CHL1: variants seen among roughly 807,000 people sequenced by gnomAD.
CHL1 encodes cell adhesion molecule L1 like, also known as neural cell adhesion molecule L1-like protein.
CHL1 carries 96 observed loss-of-function variants against 141.9 expected under a neutral mutation model. That is an observed-to-expected ratio of 0.68 (90% CI 0.57 to 0.80). The LOEUF is 0.80. Ranked by LOEUF, CHL1 falls within the 30% of genes least tolerant of loss-of-function variation. The pLI is 0.00. For missense variants in CHL1, 1,820 were observed against 1,457.2 expected (o/e 1.25, Z -4.05); for synonymous variants, 613 against 502.2 (o/e 1.22, Z -2.95).
chr3:340,294 T>A (rs867654820), intron 5 of CHL1, among the ~76,000 whole-genome samples: 5 of 152,212 alleles, frequency 3.3e-5, no homozygotes, highest in Admixed American at 6.5e-5. Context: ...TTCCATTGCA[T>A]TCTTACCATT....
At chr3:400,497 A>G (rs1053347378) in intron 26 of CHL1, among the ~76,000 whole-genome samples, 2 of 151,012 alleles carry the variant, frequency 1.3e-5, no homozygotes, top group African/African-American at 2.4e-5. Context: ...AAAAATTAGC[A>G]TTTCATATTG....
At position 366,112 on chromosome 3, in the gene CHL1, G is replaced by A. The variant is rs1704841835; in HGVS notation, c.1748G>A (p.Gly583Asp). Reference protein sequence around the residue: ...EAFEINGTEDGRIIIDGANLT... With the variant: ...EAFEINGTEDDRIIIDGANLT... ...TTTGAAATTAATGGCACAGAAGATG[G>A]CAGGTAGGTAAACTATTATGATATG... Residue 583 changes from glycine to aspartate, a missense_variant, in exon 15 of 28, where the codon GGC (glycine) becomes GAC (aspartate). Physicochemically the swap from Gly to Asp is moderately conservative, Grantham distance 94. Transcript: ENST00000256509. 1.9e-6 allele frequency: 3 copies of A among 1,612,640 alleles called. No individual in the cohort carries two copies. Among genetic ancestry groups the A allele is most frequent in the Non-Finnish European group, 1.7e-6 (2 of 1,179,322 alleles).
At chr3:377,794 A>G (rs1200370595) in intron 15 of CHL1, 24 bp from the exon 16 acceptor site, 2 of 1,583,910 alleles carry the variant, frequency 1.3e-6, no homozygotes, top group Admixed American at 1.7e-5. Context: ...CCTTCTCATC[A>G]TGTACTCACT....
intron 5 of CHL1, among the ~76,000 whole-genome samples, chr3:337,981 C>A (rs758884469): frequency 1.6e-4 from 25 of 152,168 alleles, no homozygotes; most frequent in Non-Finnish European, 3.4e-4. Flanking sequence ...TTTACAGTCC[C>A]ACCAACAGTT....
chr3:295,996 C>G (rs918239010), intron 2 of CHL1, among the ~76,000 whole-genome samples: 2 of 151,250 alleles, frequency 1.3e-5, no homozygotes, highest in Non-Finnish European at 2.9e-5. Context: ...AGTACAACTC[C>G]CTCTCAAAAA....
intron 15 of CHL1, among the ~76,000 whole-genome samples, chr3:366,439 C>G (rs945540980): frequency 4.7e-5 from 7 of 150,210 alleles, no homozygotes; most frequent in Non-Finnish European, 1.0e-4. Flanking sequence ...CCACTGTACT[C>G]CAGCCTGGGG....
At chr3:282,501 C>G (rs1458501081) in intron 2 of CHL1, among the ~76,000 whole-genome samples, 2 of 152,050 alleles carry the variant, frequency 1.3e-5, no homozygotes, top group Non-Finnish European at 2.9e-5. Context: ...TTGAAGGATC[C>G]TTAACATTTT....
chr3:234,193 GTATA>G (rs35671583), intron 1 of CHL1, among the ~76,000 whole-genome samples: 1 of 144,260 alleles, frequency 6.9e-6, no homozygotes, highest in Non-Finnish European at 1.5e-5. Context: ...GTGTGTGTGT[GTATA>G]TATATATATA....
At chr3:302,226 C>T (rs150307786) in intron 2 of CHL1, among the ~76,000 whole-genome samples, 123 of 151,712 alleles carry the variant, frequency 8.1e-4, no homozygotes, top group African/African-American at 2.4e-3. Context: ...ATGTGTCTAT[C>T]GTAGAATGAT....
chr3:374,733 C>G (rs1020594304), intron 15 of CHL1, among the ~76,000 whole-genome samples: 1 of 152,178 alleles, frequency 6.6e-6, no homozygotes, highest in Non-Finnish European at 1.5e-5. Context: ...TGCTGGCTGG[C>G]CTTGACTGCT....
At chr3:219,774 C>G (rs1700661166) in intron 1 of CHL1, among the ~76,000 whole-genome samples, 1 of 152,136 alleles carries the variant, frequency 6.6e-6, no homozygotes, top group African/African-American at 2.4e-5. Context: ...GTCTGTACAA[C>G]AAACCCACAT....
rs145323816 is a variant in CHL1 at position 377,712 on chromosome 3, C to T, written c.1752-106C>T. On this transcript the variant is annotated intron_variant, in intron 15 of 27. Transcript: ENST00000256509. ...ATTTGCATTGCATAAAGTCATCTTT[C>T]ACTCTTAGATTGTTTTCGATAAGGA... 8 of 950,160 alleles carry T rather than the reference C, an allele frequency of 8.4e-6. No individual in the cohort carries two copies. In the East Asian group the frequency reaches 1.5e-4, roughly 18 times the overall value. The allele number at this position is 950,160 out of a possible 1,614,324, so 58.9% of individuals were successfully genotyped here.
intron 2 of CHL1, among the ~76,000 whole-genome samples, chr3:301,549 G>A (rs1038034345): frequency 3.9e-5 from 6 of 152,174 alleles, no homozygotes; most frequent in African/African-American, 1.4e-4. Flanking sequence ...GTTGCTCAGA[G>A]AAGGTATTCT....
chr3:219,313 C>T (rs984934744), intron 1 of CHL1, among the ~76,000 whole-genome samples: 1 of 151,956 alleles, frequency 6.6e-6, no homozygotes, highest in Non-Finnish European at 1.5e-5. Context: ...TCCTGCAATC[C>T]CATTACTATA....
chr3:255,601 T>C (rs1021085572), intron 2 of CHL1, among the ~76,000 whole-genome samples: 2 of 152,218 alleles, frequency 1.3e-5, no homozygotes, highest in Admixed American at 1.3e-4. Flanking sequence ...TGGGCAAGTA[T>C]CTGTGCTCAA....
intron 2 of CHL1, among the ~76,000 whole-genome samples, chr3:264,711 C>T (rs1032199267): frequency 6.6e-6 from 1 of 152,210 alleles, no homozygotes; most frequent in Non-Finnish European, 1.5e-5. Flanking sequence ...TAACAAAGGA[C>T]ATCTGACTAA....
At chr3:374,579 C>T (rs922760125) in intron 15 of CHL1, among the ~76,000 whole-genome samples, 2 of 152,190 alleles carry the variant, frequency 1.3e-5, no homozygotes, top group African/African-American at 2.4e-5. Flanking sequence ...AGAGCTGACA[C>T]TGAAATGAAC....
At position 360,506 on chromosome 3, in the gene CHL1, T is replaced by C. The variant is rs534215142; in HGVS notation, c.1306+82T>C. ...GTCATGTTCAGAAGTGTATTAACTC[T>C]TGACACATAATATATGGAGGGAAAA... is the stretch of plus-strand genomic sequence containing the variant. On this transcript the variant is annotated intron_variant, in intron 12 of 27. Transcript: ENST00000256509. 1.3e-5 allele frequency: 18 copies of C among 1,356,738 alleles called. No individual in the cohort carries two copies. The Admixed American group carries it at 3.8e-4, about 28-fold the overall frequency. The allele number at this position is 1,356,738 out of a possible 1,614,324, so 84.0% of individuals were successfully genotyped here. A position where few individuals can be genotyped will look rare whatever the true frequency, so the allele number is the denominator to read the frequency against.
chr3:223,164 T>C (rs1701007446), intron 1 of CHL1, among the ~76,000 whole-genome samples: 1 of 152,212 alleles, frequency 6.6e-6, no homozygotes, highest in African/African-American at 2.4e-5. Flanking sequence ...ATTATTTTAA[T>C]CAGTTGCTCC....
Sources: gnomAD v4.1 joint callset for allele counts (sites outside exome capture counted in the v4.1 genomes callset) on GRCh38, gnomAD v4.1.1 for gene constraint, MANE v1.5 for transcripts, NCBI Gene and HGNC (gene_info 2026-07-23, HGNC 2026-07-21) for gene names.